NARS2: variants seen among roughly 807,000 people sequenced by gnomAD.
NARS2 encodes asparaginyl-tRNA synthetase 2, mitochondrial.
NARS2 carries 60 observed loss-of-function variants against 62.9 expected under a neutral mutation model. The observed-to-expected ratio is 0.95, with a 90% confidence interval of 0.77 to 1.18. The LOEUF is 1.18. NARS2 is among the 50% of genes most tolerant of loss of function. NARS2 has a pLI of 0.00. For missense variants in NARS2, 619 were observed against 576.4 expected, an observed-to-expected ratio of 1.07 and a Z score of -0.76; for synonymous variants, 196 against 200.0, an observed-to-expected ratio of 0.98 and a Z score of 0.17.
intron 2 of NARS2, among the ~76,000 whole-genome samples, chr11:78,569,415 A>G (rs1193093852): frequency 2.0e-5 from 3 of 152,196 alleles, no homozygotes; most frequent in East Asian, 1.9e-4. Flanking sequence ...TTGGCCTCCC[A>G]AAGTGCTGGG....
At chr11:78,477,963 G>T (rs548483033) in intron 9 of NARS2, among the ~76,000 whole-genome samples, 14 of 152,170 alleles carry the variant, frequency 9.2e-5, no homozygotes, top group African/African-American at 3.4e-4. Flanking sequence ...GTGGTTGGTC[G>T]TGTTTCTCTG....
intron 9 of NARS2, among the ~76,000 whole-genome samples, chr11:78,471,969 C>G (rs12274873): frequency 0.27 from 41,170 of 151,898 alleles, 6,269 homozygotes; most frequent in East Asian, 0.42. Flanking sequence ...TACTTGGTAT[C>G]ATCTACCAAT....
chr11:78,557,075 C>G (rs1386215335), intron 5 of NARS2, among the ~76,000 whole-genome samples: 1 of 152,080 alleles, frequency 6.6e-6, no homozygotes, highest in Non-Finnish European at 1.5e-5. Flanking sequence ...AGTCCCCAAA[C>G]CTTAACAAAT....
At chr11:78,497,330 A>C (rs751459394) in intron 6 of NARS2, among the ~76,000 whole-genome samples, 1 of 151,840 alleles carries the variant, frequency 6.6e-6, no homozygotes, top group Non-Finnish European at 1.5e-5. Context: ...AAATAGATTA[A>C]TATAAAGTGG....
intron 5 of NARS2, among the ~76,000 whole-genome samples, chr11:78,542,280 G>A: frequency 6.6e-6 from 1 of 152,174 alleles, no homozygotes; most frequent in East Asian, 1.9e-4. Flanking sequence ...GACGCGTGGA[G>A]TCTAATATTA....
intron 6 of NARS2, among the ~76,000 whole-genome samples, chr11:78,497,348 T>C (rs1860104736): frequency 6.6e-6 from 1 of 152,016 alleles, no homozygotes; most frequent in Admixed American, 6.6e-5. Context: ...TGGTCACTGA[T>C]TGCCTGGCCA....
chr11:78,503,439 T>C (rs1177594674), intron 6 of NARS2, among the ~76,000 whole-genome samples: 4 of 152,078 alleles, frequency 2.6e-5, no homozygotes, highest in African/African-American at 9.7e-5. Flanking sequence ...GGCTTCTCCA[T>C]GTTGGCCAGG....
rs1858232569 is a variant in NARS2 at position 78,457,915 on chromosome 11, T to C, written c.1164+7961A>G. ...GATAAATATTGCATGTTCTCATTCA[T>C]ATGTGGGAATAAAACATTTTTTGAG... On this transcript the variant is annotated intron_variant, in intron 11 of 13. Coordinates refer to ENST00000281038, the MANE Select transcript of NARS2 (RefSeq NM_024678.6). 2.0e-5 allele frequency among the ~76,000 whole-genome samples: 3 copies of C among 152,142 alleles called. No individual in the cohort carries two copies. The South Asian group carries it at 6.2e-4, about 31-fold the overall frequency.
chr11:78,518,102 G>GA (rs1860979576), intron 6 of NARS2, among the ~76,000 whole-genome samples: 1 of 151,426 alleles, frequency 6.6e-6, no homozygotes, highest in Non-Finnish European at 1.5e-5. Context: ...AAAATATTTG[G>GA]AAAAAACAAA....
In NARS2 at chr11:78,527,803, T is replaced by G. The variant is rs566691858; in HGVS notation, c.689+1039A>C. ...TAAAGAAAACTCAGTACTTGATGAGTCTGCATTAACAAATTACCCCCAGAG... is the reference window on the plus strand; with the variant it reads ...TAAAGAAAACTCAGTACTTGATGAGGCTGCATTAACAAATTACCCCCAGAG... On this transcript the variant is annotated intron_variant, in intron 6 of 13. Transcript: ENST00000281038. 3.9e-5 allele frequency among the ~76,000 whole-genome samples: 6 copies of G among 152,144 alleles called. No individual in the cohort carries two copies. The South Asian group carries it at 1.0e-3, about 26-fold the overall frequency.
intron 1 of NARS2, among the ~76,000 whole-genome samples, chr11:78,572,180 TCAAAAAAA>T (rs1326055463): frequency 6.6e-6 from 1 of 152,162 alleles, no homozygotes; most frequent in African/African-American, 2.4e-5. Context: ...AGACTCCATC[TCAAAAAAA>T]CAAAAAAACA....
intron 5 of NARS2, chr11:78,555,401 TAG>T (rs1480046084): frequency 1.3e-5 from 2 of 152,170 alleles, no homozygotes; most frequent in Non-Finnish European, 2.9e-5. Flanking sequence ...TATTCAGTTT[TAG>T]AGTTTTGTTA....
At chr11:78,477,315 T>A (rs1396815993) in intron 9 of NARS2, among the ~76,000 whole-genome samples, 1 of 152,164 alleles carries the variant, frequency 6.6e-6, no homozygotes, top group Admixed American at 6.5e-5. Context: ...CTGAAAAGCA[T>A]CTCAATCTTA....
intron 5 of NARS2, among the ~76,000 whole-genome samples, chr11:78,541,551 T>C (rs747769469): frequency 1.3e-5 from 2 of 152,072 alleles, no homozygotes; most frequent in Non-Finnish European, 2.9e-5. Flanking sequence ...GCTGATCATA[T>C]AACATAAAAC....
chr11:78,509,927 A>G (rs367883600), intron 6 of NARS2, among the ~76,000 whole-genome samples: 3 of 152,222 alleles, frequency 2.0e-5, no homozygotes, highest in East Asian at 1.9e-4. Context: ...GATTGTTATA[A>G]TTTTAGGATC....
intron 11 of NARS2, among the ~76,000 whole-genome samples, chr11:78,457,331 C>T (rs935691412): frequency 6.6e-6 from 1 of 152,154 alleles, no homozygotes; most frequent in African/African-American, 2.4e-5. Flanking sequence ...ATGAAACACA[C>T]CTGTCTTATT....
At position 78,571,425 on chromosome 11, in the gene NARS2, C is replaced by T. The variant is rs889193425; in HGVS notation, c.161G>A (p.Arg54Gln). ...IKIQGWIRSV[R>Q]SQKEVLFLHV... Reference sequence around the variant, plus strand: ...CAGGAACAAGACTTCCTTCTGGGATCGGACAGAACGAATCCATCCCTAAGG... The same window carrying T: ...CAGGAACAAGACTTCCTTCTGGGATTGGACAGAACGAATCCATCCCTAAGG... Residue 54 changes from arginine to glutamine, a missense_variant, in exon 2 of 14, where the codon CGA becomes CAA. By Grantham distance (43) the Arg-to-Gln change is conservative (BLOSUM62 1). Coordinates refer to ENST00000281038, the MANE Select transcript of NARS2 (RefSeq NM_024678.6). 2.5e-6 allele frequency: 4 copies of T among 1,612,268 alleles called. No individual in the cohort carries two copies. Among genetic ancestry groups the T allele is most frequent in the African/African-American group, 2.7e-5 (2 of 74,728 alleles).
intron 6 of NARS2, among the ~76,000 whole-genome samples, chr11:78,503,655 A>G (rs1302741983): frequency 2.0e-5 from 3 of 152,376 alleles, no homozygotes; most frequent in Admixed American, 1.3e-4. Context: ...CTATGAATGA[A>G]ATAAAAATTT....
intron 6 of NARS2, among the ~76,000 whole-genome samples, chr11:78,511,881 A>G (rs1423232342): frequency 2.6e-5 from 4 of 152,214 alleles, no homozygotes; most frequent in African/African-American, 4.8e-5. Context: ...AAAAAAGAAA[A>G]AGAAACAAAC....
Sources: gnomAD v4.1 joint callset for allele counts (sites outside exome capture counted in the v4.1 genomes callset) on GRCh38, gnomAD v4.1.1 for gene constraint, MANE v1.5 for transcripts, NCBI Gene and HGNC (gene_info 2026-07-23, HGNC 2026-07-21) for gene names.